The following RASGRF2 variants were observed in gnomAD, a reference collection of about 807,000 sequenced individuals.
The protein encoded by RASGRF2 is Ras protein specific guanine nucleotide releasing factor 2.
Under a neutral mutation model 151.0 loss-of-function variants are expected in RASGRF2, and 76 were observed. The observed-to-expected ratio is 0.50, with a 90% CI of 0.42 to 0.61. RASGRF2 has a LOEUF of 0.61. Among genes scored for constraint, RASGRF2 ranks in the 20% least tolerant of loss-of-function variants. RASGRF2 has a pLI of 0.00. For missense variants in RASGRF2, 1,148 were observed against 1,564.6 expected, an observed-to-expected ratio of 0.73 and a Z score of 4.49; for synonymous variants, 504 against 566.5, an observed-to-expected ratio of 0.89 and a Z score of 1.57.
At position 81,225,697 on chromosome 5, in the gene RASGRF2, A is replaced by T. The variant is rs1755965542; in HGVS notation, c.3641A>T (p.Asp1214Val). Reference sequence around the variant, plus strand: ...TTTCAGGTCGCACAGTACTTGCTTGACAAAGACCTTATCATAGATGAAGAT... The same window carrying T: ...TTTCAGGTCGCACAGTACTTGCTTGTCAAAGACCTTATCATAGATGAAGAT... ...HQPKVAQYLL[D>V]KDLIIDEDTL... The change falls in exon 27 of 27, where the codon GAC (aspartate) becomes GTC (valine). Residue 1214 changes from aspartate (D) to valine (V), a missense_variant. Asp to Val is a radical substitution (Grantham distance 152, BLOSUM62 -3). Coordinates refer to ENST00000265080, the MANE Select transcript of RASGRF2 (RefSeq NM_006909.3). The T allele has an allele frequency of 6.2e-7, 1 of 1,612,312 alleles. No individual in the cohort carries two copies. The highest frequency in any genetic ancestry group is 1.7e-5 in the Admixed American group (1 of 59,466).
intron 2 of RASGRF2, among the ~76,000 whole-genome samples, chr5:81,064,683 A>G (rs1751543740): frequency 6.6e-6 from 1 of 152,106 alleles, no homozygotes; most frequent in African/African-American, 2.4e-5. Flanking sequence ...ATCGTGTAAC[A>G]TGTGTCAGCT....
intron 26 of RASGRF2, among the ~76,000 whole-genome samples, chr5:81,220,151 T>C (rs1755827993): frequency 6.6e-6 from 1 of 152,130 alleles, no homozygotes; most frequent in African/African-American, 2.4e-5. Context: ...ATTTTCTCCC[T>C]TACATAAAAC....
At chr5:81,148,700 C>T (rs1044837503) in intron 17 of RASGRF2, among the ~76,000 whole-genome samples, 115 of 151,394 alleles carry the variant, frequency 7.6e-4, no homozygotes, top group African/African-American at 2.8e-3. Flanking sequence ...GGAGGGATAG[C>T]ATTAGGAGAT....
chr5:81,036,144 A>G (rs1750484339), intron 1 of RASGRF2, among the ~76,000 whole-genome samples: 1 of 151,960 alleles, frequency 6.6e-6, no homozygotes, highest in African/African-American at 2.4e-5. Flanking sequence ...TTAGAGGCAA[A>G]TGTTTTTCAT....
chr5:81,160,884 A>G (rs1754369209), intron 17 of RASGRF2, among the ~76,000 whole-genome samples: 1 of 151,938 alleles, frequency 6.6e-6, no homozygotes, highest in Non-Finnish European at 1.5e-5. Context: ...AAAAACAAAC[A>G]ACAGCAACAA....
intron 1 of RASGRF2, among the ~76,000 whole-genome samples, chr5:81,019,804 A>G (rs1295570646): frequency 6.6e-6 from 1 of 152,250 alleles, no homozygotes; most frequent in East Asian, 1.9e-4. Context: ...ACAGTTTTGA[A>G]AATTGAATAA....
chr5:81,042,785 A>G, intron 1 of RASGRF2, 92 bp from the exon 2 acceptor site: 1 of 881,160 alleles, frequency 1.1e-6, no homozygotes, highest in Non-Finnish European at 1.8e-6. Context: ...TGCATTTTGT[A>G]AATATGTACC....
At chr5:81,090,707 AT>A (rs894847854) in intron 9 of RASGRF2, among the ~76,000 whole-genome samples, 8 of 151,790 alleles carry the variant, frequency 5.3e-5, no homozygotes, top group South Asian at 2.1e-4. Context: ...GGAAACATTT[AT>A]TTTTTTTGTC....
intron 12 of RASGRF2, among the ~76,000 whole-genome samples, chr5:81,108,179 T>C (rs1190084737): frequency 6.6e-6 from 1 of 152,248 alleles, no homozygotes; most frequent in Non-Finnish European, 1.5e-5. Flanking sequence ...CTATTTTTTA[T>C]TTTAAAAATT....
intron 17 of RASGRF2, among the ~76,000 whole-genome samples, chr5:81,152,489 T>C (rs1754161616): frequency 6.6e-6 from 1 of 152,200 alleles, no homozygotes; most frequent in Non-Finnish European, 1.5e-5. Flanking sequence ...TCAATATCTG[T>C]AGGTTTTTAG....
chr5:81,026,561 A>G (rs986192266), intron 1 of RASGRF2, among the ~76,000 whole-genome samples: 1 of 152,210 alleles, frequency 6.6e-6, no homozygotes, highest in Non-Finnish European at 1.5e-5. Context: ...AAAAGAAATA[A>G]GTAGGTAGAA....
intron 1 of RASGRF2, among the ~76,000 whole-genome samples, chr5:81,003,508 C>T (rs981649844): frequency 6.6e-6 from 1 of 152,146 alleles, no homozygotes; most frequent in Admixed American, 6.5e-5. Context: ...CAGGCGTGAG[C>T]CACTGCGCCC....
At chr5:81,088,208 G>T (rs1158772920) in intron 9 of RASGRF2, 2 of 152,304 alleles carry the variant, frequency 1.3e-5, no homozygotes, top group African/African-American at 4.8e-5. Flanking sequence ...CTTTCCTTGT[G>T]CTGTCCCCAG....
At chr5:81,046,498 C>T (rs1282156426) in intron 2 of RASGRF2, among the ~76,000 whole-genome samples, 2 of 152,048 alleles carry the variant, frequency 1.3e-5, no homozygotes, top group African/African-American at 2.4e-5. Flanking sequence ...TTCTAGAACA[C>T]GGGCACATTT....
In RASGRF2 at chr5:81,112,849, T is replaced by A. The variant is rs1236847264; in HGVS notation, c.2078T>A (p.Ile693Asn). The change falls in exon 14 of 27, where the codon ATC becomes AAC. Residue 693 changes from isoleucine (I) to asparagine (N), a missense_variant. This residue lies in a region of RASGRF2 where 646 missense variants were observed against 807.4 expected (regional missense o/e 0.80). Coordinates refer to ENST00000265080, the MANE Select transcript of RASGRF2 (RefSeq NM_006909.3). ...SDIYKRPFTS[I>N]PVRSLELFFA... The stretch of plus-strand genomic sequence containing the variant: ...ATATACAAGAGGCCTTTCACCTCCA[T>A]CCCTGTCAGGTACACCTATTGCTAG... 13 of 1,614,094 alleles carry A rather than the reference T, an allele frequency of 8.1e-6. No individual in the cohort carries two copies. The highest frequency in any genetic ancestry group is 1.1e-5 in the Non-Finnish European group (13 of 1,180,038).
intron 5 of RASGRF2, among the ~76,000 whole-genome samples, chr5:81,078,783 A>G (rs1752008212): frequency 6.6e-6 from 1 of 152,228 alleles, no homozygotes; most frequent in African/African-American, 2.4e-5. Context: ...TGTGTTCAAC[A>G]TAGGACAGAG....
At chr5:80,984,859 A>G (rs946048870) in intron 1 of RASGRF2, among the ~76,000 whole-genome samples, 1 of 152,242 alleles carries the variant, frequency 6.6e-6, no homozygotes, top group Non-Finnish European at 1.5e-5. Context: ...GAGTTATTAG[A>G]GAGTCTCTAT....
At chr5:81,067,920 T>C (rs776607549) in intron 2 of RASGRF2, 112 bp from the exon 3 acceptor site, 1 of 917,808 alleles carries the variant, frequency 1.1e-6, no homozygotes, top group Non-Finnish European at 1.5e-6. Context: ...TAGAGATAGC[T>C]GAACAAACAA....
intron 1 of RASGRF2, among the ~76,000 whole-genome samples, chr5:81,016,035 T>C (rs993847582): frequency 2.0e-5 from 3 of 152,200 alleles, no homozygotes; most frequent in African/African-American, 4.8e-5. Flanking sequence ...CAATGGCGAC[T>C]GAACTCATAT....
Sources: gnomAD v4.1 joint callset for allele counts (sites outside exome capture counted in the v4.1 genomes callset) on GRCh38, gnomAD v4.1.1 for gene constraint, gnomAD v4.1.1 regional missense constraint, MANE v1.5 for transcripts, NCBI Gene and HGNC (gene_info 2026-07-23, HGNC 2026-07-21) for gene names.